The following SPTBN1 variants were observed in gnomAD, a reference collection of about 807,000 sequenced individuals.
SPTBN1 encodes spectrin beta, non-erythrocytic 1, also known as spectrin beta chain, non-erythrocytic 1.
SPTBN1 carries 32 observed loss-of-function variants against 266.4 expected under a neutral mutation model. That is an observed-to-expected ratio of 0.12 (90% CI 0.09 to 0.16). The LOEUF (loss-of-function observed/expected upper bound fraction) is 0.16. Ranked by LOEUF, SPTBN1 falls within the 10% of genes least tolerant of loss-of-function variation. The probability of loss-of-function intolerance (pLI) is 1.00; values close to 1 mark genes in which losing one functional copy is unlikely to be tolerated. For synonymous variants in SPTBN1, 1,336 were observed against 1,162.2 expected, an observed-to-expected ratio of 1.15 and a Z score of -3.04; for missense variants, 2,296 against 3,067.1, an observed-to-expected ratio of 0.75 and a Z score of 5.94.
At chr2:54,527,533 A>G (rs1670892108) in intron 2 of SPTBN1, 1 of 152,228 alleles carries the variant, frequency 6.6e-6, no homozygotes, top group South Asian at 2.1e-4. Flanking sequence ...AAGAGGATTT[A>G]TTGGTCACAC....
At chr2:54,656,210 G>T (rs1442095169) in intron 29 of SPTBN1, among the ~76,000 whole-genome samples, 2 of 152,158 alleles carry the variant, frequency 1.3e-5, no homozygotes, top group African/African-American at 4.8e-5. Flanking sequence ...TGATCTCAGT[G>T]TCATAGGTGG....
At position 54,558,279 on chromosome 2, in the gene SPTBN1, C is replaced by T; in HGVS notation, c.148+31713C>T. On this transcript the variant is annotated intron_variant, in intron 2 of 35. Coordinates refer to ENST00000356805, the MANE Select transcript of SPTBN1 (RefSeq NM_003128.3). The surrounding 1 kb of genome is among the most constrained non-coding windows in gnomAD (Gnocchi z 4.6). ...CCCCGCGCCCCTCCTCGTGGTATAG[C>T]CTGCATTTCTAATACAATGCTGTTA... is the stretch of plus-strand genomic sequence containing the variant. 1 of 985,454 alleles carries T rather than the reference C, an allele frequency of 1.0e-6. No individual in the cohort carries two copies. Among genetic ancestry groups the T allele is most frequent in the Non-Finnish European group, 1.2e-6 (1 of 829,994 alleles). 61.0% of individuals were successfully genotyped at this position (985,454 alleles called of 1,614,324 possible).
rs139922842 is a variant in SPTBN1 at position 54,669,840 on chromosome 2, G to A, written c.*1271G>A. ...CAAGCTTTGAAAACTACAGCAAACA[G>A]TAATAAATGTGACTGTTTTGTAGTT... On this transcript the variant is annotated 3_prime_UTR_variant, in exon 36 of 36. Coordinates refer to ENST00000356805, the MANE Select transcript of SPTBN1 (RefSeq NM_003128.3). 2.0e-5 allele frequency: 3 copies of A among 152,322 alleles called. No homozygotes were observed. In the East Asian group the frequency reaches 5.8e-4, roughly 29 times the overall value. The allele number at this position is 152,322 out of a possible 1,614,324, so 9.4% of individuals were successfully genotyped here. A position where few individuals can be genotyped will look rare whatever the true frequency, so the allele number is the denominator to read the frequency against.
intron 1 of SPTBN1, among the ~76,000 whole-genome samples, chr2:54,507,442 T>A (rs1669634100): frequency 6.6e-6 from 1 of 152,008 alleles, no homozygotes; most frequent in African/African-American, 2.4e-5. Context: ...AAACCTAGTG[T>A]GGGAGAGATG....
At chr2:54,487,346 G>A (rs1668453451) in intron 1 of SPTBN1, among the ~76,000 whole-genome samples, 1 of 151,860 alleles carries the variant, frequency 6.6e-6, no homozygotes, top group African/African-American at 2.4e-5. Context: ...TTATTCTCAG[G>A]ACTAATTACT....
intron 1 of SPTBN1, among the ~76,000 whole-genome samples, chr2:54,512,476 G>C (rs964967488): frequency 1.3e-5 from 2 of 152,108 alleles, no homozygotes; most frequent in African/African-American, 4.8e-5. Flanking sequence ...GGAAATCTGG[G>C]TTGCCATGAC....
At chr2:54,511,210 T>C (rs1470057902) in intron 1 of SPTBN1, among the ~76,000 whole-genome samples, 1 of 152,254 alleles carries the variant, frequency 6.6e-6, no homozygotes. Context: ...TACTCATGTT[T>C]AGATATTCTG....
intron 1 of SPTBN1, among the ~76,000 whole-genome samples, chr2:54,486,536 A>G (rs566480269): frequency 2.0e-5 from 3 of 152,182 alleles, no homozygotes; most frequent in African/African-American, 4.8e-5. Flanking sequence ...GCTCGTTAAG[A>G]GTCATCACCA....
intron 1 of SPTBN1, among the ~76,000 whole-genome samples, chr2:54,497,366 G>T (rs1046828926): frequency 5.3e-5 from 8 of 151,920 alleles, no homozygotes; most frequent in Non-Finnish European, 1.0e-4. Context: ...TAGTTTTTTG[G>T]TTTTTTTCAA....
At chr2:54,577,708 A>G (rs772310032) in intron 2 of SPTBN1, among the ~76,000 whole-genome samples, 7 of 152,222 alleles carry the variant, frequency 4.6e-5, no homozygotes, top group Non-Finnish European at 8.8e-5. Context: ...GCCCAAGGAC[A>G]CTTAACTAGT....
intron 18 of SPTBN1, among the ~76,000 whole-genome samples, chr2:54,640,956 T>C (rs903999881): frequency 6.6e-6 from 1 of 152,240 alleles, no homozygotes; most frequent in African/African-American, 2.4e-5. Context: ...TCTCTGGAAC[T>C]GATTTTTATT....
At position 54,659,967 on chromosome 2, in the gene SPTBN1, A is replaced by C; in HGVS notation, c.6388A>C (p.Asn2130His). The change falls in exon 32 of 36, where the codon AAC becomes CAC. Residue 2130 changes from asparagine (N) to histidine (H), a missense_variant. This residue lies in a region of SPTBN1 where 347 missense variants were observed against 368.5 expected (regional missense o/e 0.94). Coordinates refer to ENST00000356805, the MANE Select transcript of SPTBN1 (RefSeq NM_003128.3). ...DTSKGEQVSQ[N>H]GLPAEQGSPR... ...TTCAAAAGGAGAACAAGTTTCCCAA[A>C]ACGGTTTGCCAGCTGAACAGGGATC... is the stretch of plus-strand genomic sequence containing the variant. 6.2e-7 allele frequency: 1 copy of C among 1,614,072 alleles called. No individual in the cohort carries two copies. The highest frequency in any genetic ancestry group is 1.1e-5 in the South Asian group (1 of 91,076).
chr2:54,635,205 A>C (rs1029008675), intron 17 of SPTBN1, among the ~76,000 whole-genome samples: 6 of 152,214 alleles, frequency 3.9e-5, no homozygotes, highest in African/African-American at 1.4e-4. Context: ...TAGTTTTAAA[A>C]GGTCCTTCTC....
At chr2:54,605,039 G>A (rs546641600) in intron 3 of SPTBN1, among the ~76,000 whole-genome samples, 1 of 152,238 alleles carries the variant, frequency 6.6e-6, no homozygotes, top group South Asian at 2.1e-4. Context: ...GGAATCCGAT[G>A]GCCAATAATG....
chr2:54,489,541 A>T (rs1485912170), intron 1 of SPTBN1, among the ~76,000 whole-genome samples: 1 of 152,134 alleles, frequency 6.6e-6, no homozygotes, highest in Non-Finnish European at 1.5e-5. Context: ...TCTTACTAAA[A>T]ATACAAAAAT....
At chr2:54,600,639 A>G (rs547012207) in intron 3 of SPTBN1, among the ~76,000 whole-genome samples, 2 of 151,920 alleles carry the variant, frequency 1.3e-5, no homozygotes, top group Admixed American at 6.6e-5. Context: ...TATAATTTTT[A>G]TAACCAGACT....
At chr2:54,470,906 G>A (rs1693886265) in intron 1 of SPTBN1, among the ~76,000 whole-genome samples, 1 of 152,162 alleles carries the variant, frequency 6.6e-6, no homozygotes, top group South Asian at 2.1e-4. Context: ...TTTGAATGTG[G>A]CCCAGCACAA....
At chr2:54,523,342 A>G (rs150461019) in intron 1 of SPTBN1, among the ~76,000 whole-genome samples, 374 of 152,330 alleles carry the variant, frequency 2.5e-3, no homozygotes, top group Non-Finnish European at 4.7e-3. Flanking sequence ...CCAGGATTTT[A>G]CTTCCATTCA....
intron 16 of SPTBN1, among the ~76,000 whole-genome samples, 180 bp from the exon 17 acceptor site, chr2:54,632,386 C>G (rs6741903): frequency 9.9e-5 from 15 of 152,108 alleles, no homozygotes; most frequent in Non-Finnish European, 2.1e-4. Context: ...GAGGGAAATT[C>G]GGTCAGTTAC....
Sources: allele counts gnomAD v4.1 joint callset (sites outside exome capture counted in the v4.1 genomes callset), GRCh38; gene constraint gnomAD v4.1.1; regional missense constraint gnomAD v4.1.1; non-coding constraint Gnocchi (gnomAD v3.1); transcripts MANE v1.5; gene names NCBI Gene and HGNC (gene_info 2026-07-23, HGNC 2026-07-21).